Variants in ACSM3 observed in about 807,000 individuals in gnomAD.
The protein encoded by ACSM3 is acyl-CoA synthetase medium chain family member 3, also known as acyl-coenzyme A synthetase ACSM3, mitochondrial.
A neutral mutation model predicts 74.1 loss-of-function variants in ACSM3; 61 were observed. The ratio of observed to expected loss-of-function variants is 0.82; its 90% CI spans 0.67 to 1.02. The LOEUF (loss-of-function observed/expected upper bound fraction) is 1.02, where lower values mean the gene tolerates loss of function less well. Among genes scored for constraint, ACSM3 ranks in the 50% least tolerant of loss-of-function variants. The pLI, the probability that ACSM3 is intolerant of heterozygous loss-of-function variation, is 0.00. For missense variants in ACSM3, 660 were observed against 697.0 expected, an observed-to-expected ratio of 0.95 and a Z score of 0.60; for synonymous variants, 213 against 241.5, an observed-to-expected ratio of 0.88 and a Z score of 1.09.
intron 1 of ACSM3, chr16:20,738,767 G>C: frequency 9.6e-7 from 1 of 1,041,822 alleles, no homozygotes; most frequent in Non-Finnish European, 1.4e-6. Flanking sequence ...TGCTAATACA[G>C]TGTACAGAAG....
intron 7 of ACSM3, 77 bp downstream of exon 7, chr16:20,781,864 C>G: frequency 8.7e-7 from 1 of 1,144,452 alleles, no homozygotes; most frequent in Non-Finnish European, 1.3e-6. Context: ...ATCTTTCTGC[C>G]TGAAACATAG....
At chr16:20,738,200 G>A in intron 1 of ACSM3, 1 of 537,714 alleles carries the variant, frequency 1.9e-6, no homozygotes, top group East Asian at 4.7e-5. Context: ...TGACTGTTTA[G>A]GTAGACACCG....
At chr16:20,791,311 G>A (rs976721223) in intron 10 of ACSM3, among the ~76,000 whole-genome samples, 6 of 152,142 alleles carry the variant, frequency 3.9e-5, no homozygotes, top group African/African-American at 1.4e-4. Flanking sequence ...AAACAAACCT[G>A]TCTGCTCTTT....
At chr16:20,720,540 T>C (rs2079781666) in intron 1 of ACSM3, among the ~76,000 whole-genome samples, 1 of 152,216 alleles carries the variant, frequency 6.6e-6, no homozygotes, top group African/African-American at 2.4e-5. Flanking sequence ...CACTCACTCC[T>C]GCTGTGCAGC....
intron 3 of ACSM3, among the ~76,000 whole-genome samples, chr16:20,755,785 C>A (rs866498317): frequency 2.4e-4 from 21 of 86,236 alleles, no homozygotes; most frequent in African/African-American, 6.9e-4. Flanking sequence ...TCCCTCCCCC[C>A]CCCCCACCCC....
intron 12 of ACSM3, among the ~76,000 whole-genome samples, chr16:20,793,342 G>A (rs528170430): frequency 6.6e-6 from 1 of 152,100 alleles, no homozygotes; most frequent in Non-Finnish European, 1.5e-5. Context: ...GGTGGCACAC[G>A]CCTGTAATCC....
rs2079743637 is a variant in ACSM3, at chr16:20,711,475, A to T, written c.-190+36653A>T. 5 of 1,283,640 alleles carry T rather than the reference A, an allele frequency of 3.9e-6. No individual in the cohort carries two copies. In the East Asian group the frequency reaches 8.0e-5, roughly 20 times the overall value. 79.5% of individuals were successfully genotyped at this position (1,283,640 alleles called of 1,614,324 possible). ...GTTCTGTTTAGTGTCCTTCCCAGGGATTGTCTTCATGCCAGGAACAATCCA... is the reference window on the plus strand; with the variant it reads ...GTTCTGTTTAGTGTCCTTCCCAGGGTTTGTCTTCATGCCAGGAACAATCCA... On this transcript the variant is annotated intron_variant, in intron 1 of 3. Transcript: ENST00000561584.
At chr16:20,691,321 A>G (rs928312652) in intron 1 of ACSM3, 1 of 706,926 alleles carries the variant, frequency 1.4e-6, no homozygotes, top group Non-Finnish European at 2.3e-6. Flanking sequence ...GTTAATTGCT[A>G]CAGTTATAGC....
intron 2 of ACSM3, among the ~76,000 whole-genome samples, chr16:20,773,362 C>T (rs905892995): frequency 6.6e-6 from 1 of 151,786 alleles, no homozygotes; most frequent in African/African-American, 2.4e-5. Flanking sequence ...TTTATTTCTG[C>T]TCTGATCTTT....
intron 1 of ACSM3, among the ~76,000 whole-genome samples, chr16:20,720,293 C>T (rs1379688805): frequency 6.6e-6 from 1 of 152,178 alleles, no homozygotes; most frequent in Non-Finnish European, 1.5e-5. Context: ...AGTTTGTTTT[C>T]CTGCAACTAG....
chr16:20,729,427 T>C lies in ACSM3; in HGVS notation c.-189-20483T>C, dbSNP rs528350240. 6 of 863,006 alleles carry C rather than the reference T, an allele frequency of 7.0e-6. No homozygotes were observed. In the South Asian group the frequency reaches 8.4e-5, roughly 12 times the overall value. 53.5% of individuals were successfully genotyped at this position (863,006 alleles called of 1,614,324 possible). A position where few individuals can be genotyped will look rare whatever the true frequency, so the allele number is the denominator to read the frequency against. On this transcript the variant is annotated intron_variant, in intron 1 of 3. Coordinates refer to the ACSM3 transcript ENST00000561584. ...GGAGCTCTCCTACTGGAGGATGTGG[T>C]GGTCAAAGGCTTCTTTTCCTTTTCA...
intron 1 of ACSM3, among the ~76,000 whole-genome samples, chr16:20,683,509 C>G (rs561504765): frequency 6.6e-6 from 1 of 152,144 alleles, no homozygotes; most frequent in East Asian, 1.9e-4. Flanking sequence ...TTTGAAGATG[C>G]TGCTTTCTTT....
chr16:20,747,532 T>A (rs1475338624), intron 1 of ACSM3, among the ~76,000 whole-genome samples: 1 of 152,236 alleles, frequency 6.6e-6, no homozygotes, highest in African/African-American at 2.4e-5. Flanking sequence ...TCCGCTGGGC[T>A]GGTGCTCACC....
intron 1 of ACSM3, among the ~76,000 whole-genome samples, chr16:20,701,747 G>T (rs2079713416): frequency 6.6e-6 from 1 of 151,868 alleles, no homozygotes; most frequent in Non-Finnish European, 1.5e-5. Flanking sequence ...CTGTGTCCAT[G>T]TGTTATCATT....
intron 12 of ACSM3, among the ~76,000 whole-genome samples, chr16:20,793,720 G>A (rs538569156): frequency 6.6e-6 from 1 of 152,326 alleles, no homozygotes; most frequent in South Asian, 2.1e-4. Flanking sequence ...AGGCAGCTGA[G>A]GGCAGGGAAA....
chr16:20,741,624 A>G, intron 1 of ACSM3: 1 of 1,574,444 alleles, frequency 6.4e-7, no homozygotes, highest in East Asian at 2.3e-5. Context: ...CCCGGGCTCT[A>G]GCTGACGGGG....
intron 8 of ACSM3, among the ~76,000 whole-genome samples, chr16:20,785,662 T>C (rs547308767): frequency 6.6e-6 from 1 of 152,018 alleles, no homozygotes; most frequent in East Asian, 1.9e-4. Context: ...AGGAGTAAGA[T>C]GAAATAGATA....
At position 20,796,359 on chromosome 16, in the gene ACSM3, A is replaced by G. The variant is rs760774034; in HGVS notation, c.1555-11A>G. 1 of 1,602,162 alleles carries G rather than the reference A, an allele frequency of 6.2e-7. No homozygotes were observed. The highest frequency in any genetic ancestry group is 1.1e-5 in the South Asian group (1 of 89,024). ...AACTCATTTTCCTGGTGTTTCAAAT[A>G]TTTATTTTAGGTAGTAAAGGCTTTT... On this transcript the variant is annotated splice_polypyrimidine_tract_variant and intron_variant, in intron 12 of 13. Coordinates refer to ENST00000289416, the MANE Select transcript of ACSM3 (RefSeq NM_005622.4).
At chr16:20,757,848 T>G (rs1316872756) in intron 3 of ACSM3, among the ~76,000 whole-genome samples, 3 of 150,620 alleles carry the variant, frequency 2.0e-5, no homozygotes, top group Non-Finnish European at 4.5e-5. Context: ...AGCATGAAGG[T>G]TGTTGAATTT....
Sources: gnomAD v4.1 joint callset for allele counts (sites outside exome capture counted in the v4.1 genomes callset) on GRCh38, gnomAD v4.1.1 for gene constraint, MANE v1.5 for transcripts, NCBI Gene and HGNC (gene_info 2026-07-23, HGNC 2026-07-21) for gene names.